The following NCOA6 variants were observed in gnomAD, a reference collection of about 807,000 sequenced individuals.
NCOA6 encodes the protein nuclear receptor coactivator 6, also known as NRC RAP250.
A neutral mutation model predicts 171.4 loss-of-function variants in NCOA6; 49 were observed. The observed-to-expected ratio is 0.29, with a 90% CI of 0.23 to 0.36. The LOEUF is 0.36. Ranked by LOEUF, NCOA6 falls within the 10% of genes least tolerant of loss-of-function variation. NCOA6 has a pLI of 1.00. For missense variants in NCOA6, 2,248 were observed against 2,554.5 expected (o/e 0.88, Z 2.59); for synonymous variants, 910 against 927.5 (o/e 0.98, Z 0.34).
At chr20:34,763,321 G>A (rs2076873920) in intron 5 of NCOA6, among the ~76,000 whole-genome samples, 1 of 151,904 alleles carries the variant, frequency 6.6e-6, no homozygotes, top group Non-Finnish European at 1.5e-5. Flanking sequence ...TGCGCATCCT[G>A]AGTGATTTAT....
In NCOA6 at chr20:34,754,826, G is replaced by C. The variant is rs148359628; in HGVS notation, c.1571C>G (p.Ala524Gly). 1,641 of 1,614,034 alleles carry C rather than the reference G, an allele frequency of 1.0e-3. 2 individuals carry two copies. The highest frequency in any genetic ancestry group is 1.3e-3 in the Non-Finnish European group (1,577 of 1,180,024). ...RLPPGFSAGQ[A>G]NPNFMQGQVP... Reference sequence around the variant, plus strand: ...CTGACCTTGCATAAAGTTCGGATTGGCCTGTCCTGCTGAGAAGCCAGGTGG... The same window carrying C: ...CTGACCTTGCATAAAGTTCGGATTGCCCTGTCCTGCTGAGAAGCCAGGTGG... The change falls in exon 8 of 15, where the codon GCC becomes GGC. Residue 524 changes from alanine (A) to glycine (G), a missense_variant. By Grantham distance (60) the Ala-to-Gly change is moderately conservative. Coordinates refer to ENST00000359003, the MANE Select transcript of NCOA6 (RefSeq NM_014071.5).
intron 1 of NCOA6, among the ~76,000 whole-genome samples, chr20:34,822,757 T>C (rs1180017073): frequency 6.6e-6 from 1 of 152,186 alleles, no homozygotes; most frequent in Non-Finnish European, 1.5e-5. Flanking sequence ...TAGGGTTTCT[T>C]AACCTGGGGT....
chr20:34,806,394 G>A (rs1019698029), intron 1 of NCOA6, among the ~76,000 whole-genome samples: 2 of 152,146 alleles, frequency 1.3e-5, no homozygotes, highest in Admixed American at 1.3e-4. Flanking sequence ...CTGTGCAGAA[G>A]CTTTCTTAAC....
rs901546263 is a variant in NCOA6, at chr20:34,814,925, G to A, written c.-164+10547C>T. ...AATTTTTAAAATTTCATGGGGACACGTGCTATTAGAAAAAGTATAAACAAT... is the reference window on the plus strand; with the variant it reads ...AATTTTTAAAATTTCATGGGGACACATGCTATTAGAAAAAGTATAAACAAT... On this transcript the variant is annotated intron_variant, in intron 1 of 14. Coordinates refer to ENST00000359003, the MANE Select transcript of NCOA6 (RefSeq NM_014071.5). 1.1e-4 allele frequency among the ~76,000 whole-genome samples: 16 copies of A among 152,116 alleles called. No homozygotes were observed. In the East Asian group the frequency reaches 2.1e-3, roughly 20 times the overall value.
At position 34,741,009 on chromosome 20, in the gene NCOA6, C is replaced by T. The variant is rs766668035; in HGVS notation, c.5247G>A (p.Thr1749=). The change falls in exon 11 of 15, where the codon ACG becomes ACA. Residue 1749 remains threonine, a synonymous_variant. Coordinates refer to ENST00000359003, the MANE Select transcript of NCOA6 (RefSeq NM_014071.5). ...TPVQLPSPPC[T]SSPVVPSHPP... ...GATGAGAAGGGACAACTGGAGAAGA[C>T]GTACAAGGAGGGGAAGGAAGCTGAA... 28 of 1,613,998 alleles carry T rather than the reference C, an allele frequency of 1.7e-5. No individual in the cohort carries two copies. Among genetic ancestry groups the T allele is most frequent in the South Asian group, 3.3e-5 (3 of 91,082 alleles).
At chr20:34,794,060 G>C (rs186237203) in intron 1 of NCOA6, among the ~76,000 whole-genome samples, 1 of 152,176 alleles carries the variant, frequency 6.6e-6, no homozygotes, top group African/African-American at 2.4e-5. Flanking sequence ...TGGTGAAACA[G>C]GCACTCTTAT....
intron 3 of NCOA6, among the ~76,000 whole-genome samples, chr20:34,778,302 C>T (rs538236620): frequency 6.6e-6 from 1 of 152,192 alleles, no homozygotes; most frequent in African/African-American, 2.4e-5. Context: ...CACAAAAAGG[C>T]AAAATTCCAC....
chr20:34,725,002 TG>T (rs1989790742), intron 14 of NCOA6, among the ~76,000 whole-genome samples: 1 of 152,172 alleles, frequency 6.6e-6, no homozygotes, highest in Non-Finnish European at 1.5e-5. Context: ...TTGGTCAGGC[TG>T]GTCTCGAACT....
chr20:34,740,293 A>G, intron 11 of NCOA6, 70 bp downstream of exon 11: 4 of 1,524,346 alleles, frequency 2.6e-6, no homozygotes, highest in Non-Finnish European at 3.5e-6. Flanking sequence ...AAAAGGAGTC[A>G]TGCTTTCTCT....
At chr20:34,787,580 T>C (rs1453161043) in intron 2 of NCOA6, among the ~76,000 whole-genome samples, 1 of 151,138 alleles carries the variant, frequency 6.6e-6, no homozygotes, top group Non-Finnish European at 1.5e-5. Context: ...TTAATAGGCC[T>C]AGGAAACAAG....
At position 34,732,550 on chromosome 20, in the gene NCOA6, T is replaced by A. The variant is rs1449488432; in HGVS notation, c.5999+9A>T. The A allele has an allele frequency of 6.8e-6, 11 of 1,613,194 alleles. No homozygotes were observed. Among genetic ancestry groups the A allele is most frequent in the Non-Finnish European group, 9.3e-6 (11 of 1,179,312 alleles). On this transcript the variant is annotated intron_variant, in intron 13 of 14. Coordinates refer to ENST00000359003, the MANE Select transcript of NCOA6 (RefSeq NM_014071.5). ...GTTCATGCTACGTCTGCAGAAATGA[T>A]CATCTTACCTTTGTCCAGAGACTAT... is the stretch of plus-strand genomic sequence containing the variant.
chr20:34,788,336 T>C (rs755706400), intron 2 of NCOA6, among the ~76,000 whole-genome samples: 7 of 152,144 alleles, frequency 4.6e-5, no homozygotes, highest in Non-Finnish European at 1.0e-4. Flanking sequence ...AGTGTTGGGA[T>C]TACAGGCGTG....
intron 1 of NCOA6, chr20:34,809,649 G>A (rs2078585973): frequency 2.6e-6 from 1 of 388,756 alleles, no homozygotes; most frequent in Non-Finnish European, 4.5e-6. Flanking sequence ...CTCTACCACT[G>A]TTTCTGCTAA....
intron 13 of NCOA6, among the ~76,000 whole-genome samples, chr20:34,731,767 C>T (rs1379198121): frequency 6.6e-6 from 1 of 152,372 alleles, no homozygotes; most frequent in African/African-American, 2.4e-5. Context: ...TGGTGGCTCA[C>T]ACCTGTAATC....
chr20:34,798,817 G>T (rs1012341568), intron 1 of NCOA6, among the ~76,000 whole-genome samples: 1 of 152,142 alleles, frequency 6.6e-6, no homozygotes, highest in Non-Finnish European at 1.5e-5. Flanking sequence ...AAGAGACCTG[G>T]ATCACAACAC....
chr20:34,787,703 G>C (rs561607184), intron 2 of NCOA6, among the ~76,000 whole-genome samples: 1 of 152,096 alleles, frequency 6.6e-6, no homozygotes, highest in African/African-American at 2.4e-5. Flanking sequence ...TCTTGGCTTC[G>C]CCCAGGAGAA....
At chr20:34,757,156 T>C (rs1274099425) in intron 7 of NCOA6, 64 bp downstream of exon 7, 2 of 1,457,988 alleles carry the variant, frequency 1.4e-6, no homozygotes, top group Non-Finnish European at 1.8e-6. Flanking sequence ...CTCTAAAAAC[T>C]GAAGTTCTAC....
chr20:34,750,179 G>A lies in NCOA6; in HGVS notation c.2016C>T (p.Pro672=), dbSNP rs1461359473. The A allele has an allele frequency of 6.2e-7, 1 of 1,612,020 alleles. No individual in the cohort carries two copies. Among genetic ancestry groups the A allele is most frequent in the South Asian group, 1.1e-5 (1 of 90,880 alleles). The change falls in exon 9 of 15, where the codon CCC becomes CCT. Residue 672 remains proline, a synonymous_variant. Transcript: ENST00000359003. ...MVNPPSQNLG[P]SPQRMTPPKQ... ...TGGGTGGGGTCATCCTTTGGGGCGA[G>A]GGCCCAAGATTTTGGCTCGGGGGGT...
chr20:34,799,522 T>C (rs2078186121), intron 1 of NCOA6, among the ~76,000 whole-genome samples: 1 of 152,170 alleles, frequency 6.6e-6, no homozygotes, highest in Admixed American at 6.6e-5. Context: ...CAAAGAGTAC[T>C]ACTTCAAGAC....
Sources: gnomAD v4.1 joint callset for allele counts (sites outside exome capture counted in the v4.1 genomes callset) on GRCh38, gnomAD v4.1.1 for gene constraint, MANE v1.5 for transcripts, NCBI Gene and HGNC (gene_info 2026-07-23, HGNC 2026-07-21) for gene names.